The following PRKCZ variants were observed in gnomAD, a reference collection of about 807,000 sequenced individuals.
PRKCZ encodes the protein protein kinase C zeta type.
A neutral mutation model predicts 79.5 loss-of-function variants in PRKCZ; 33 were observed. The ratio of observed to expected loss-of-function variants is 0.41; its 90% CI spans 0.31 to 0.55. PRKCZ has a LOEUF of 0.55. PRKCZ is among the 20% of genes least tolerant of loss of function. The pLI is 0.19. For synonymous variants in PRKCZ, 342 were observed against 320.9 expected, an observed-to-expected ratio of 1.07 and a Z score of -0.70; for missense variants, 578 against 813.5, an observed-to-expected ratio of 0.71 and a Z score of 3.52.
At chr1:2,048,812 C>T (rs1659434546), upstream of PRKCZ, among the ~76,000 whole-genome samples, 1 of 152,128 alleles carries the variant, frequency 6.6e-6, no homozygotes, top group South Asian at 2.1e-4. Flanking sequence ...GGAGCTGGAA[C>T]CCGGGGCCAG....
At chr1:2,115,105 GTT>G (rs905720979) in intron 4 of PRKCZ, among the ~76,000 whole-genome samples, 13 of 152,260 alleles carry the variant, frequency 8.5e-5, no homozygotes, top group African/African-American at 3.1e-4. Context: ...CCTGCAGATA[GTT>G]TTGCTTGTTT....
chr1:2,148,754 T>C lies in PRKCZ; in HGVS notation c.635-118T>C, dbSNP rs980765392. 7 of 978,352 alleles carry C rather than the reference T, an allele frequency of 7.2e-6. No homozygotes were observed. In the African/African-American group the frequency reaches 1.1e-4, roughly 16 times the overall value. The allele number at this position is 978,352 out of a possible 1,614,324, so 60.6% of individuals were successfully genotyped here. A position where few individuals can be genotyped will look rare whatever the true frequency, so the allele number is the denominator to read the frequency against. On this transcript the variant is annotated intron_variant, in intron 7 of 17. Transcript: ENST00000378567. The stretch of plus-strand genomic sequence containing the variant: ...CTAAATTAGAATCAGACATGGCTGC[T>C]GTGTGGATTCACCCTTCACCGTCAC...
intron 4 of PRKCZ, among the ~76,000 whole-genome samples, chr1:2,061,906 G>A (rs1261456855): frequency 3.3e-5 from 5 of 152,206 alleles, no homozygotes; most frequent in Non-Finnish European, 4.4e-5. Context: ...GGGCTCTGTG[G>A]TTTTAGCGCC....
Position 2,149,816 on chromosome 1 carries a change from G to A in PRKCZ, c.687+892G>A, listed in dbSNP as rs893953272. Among the ~76,000 whole-genome samples the A allele has an allele frequency of 5.9e-5, 9 of 152,164 alleles. No homozygotes were observed. The highest frequency in any genetic ancestry group is 1.9e-4 in the East Asian group (1 of 5,172). ...GTGGAGGCTGCAGTGAGCTGAGATC[G>A]CACCACTGCACTCCAGCCTGGGCGA... On this transcript the variant is annotated intron_variant, in intron 8 of 17. Coordinates refer to ENST00000378567, the MANE Select transcript of PRKCZ (RefSeq NM_002744.6). The surrounding 1 kb of genome is among the most constrained non-coding windows in gnomAD (Gnocchi z 4.1).
chr1:2,093,040 G>A (rs1317635330), intron 4 of PRKCZ, among the ~76,000 whole-genome samples: 2 of 152,170 alleles, frequency 1.3e-5, no homozygotes, highest in Non-Finnish European at 2.9e-5. Flanking sequence ...ACACGAGGCC[G>A]CGGTGCCCAG....
rs376162867 is a variant in PRKCZ at position 2,061,456 on chromosome 1, T to C, written c.334+1865T>C. 3.3e-3 allele frequency among the ~76,000 whole-genome samples: 488 copies of C among 149,780 alleles called. 6 individuals are homozygous for C. The highest frequency in any genetic ancestry group is 0.011 in the African/African-American group (464 of 40,502). On this transcript the variant is annotated intron_variant, in intron 4 of 17. Transcript: ENST00000378567. ...CAGAGGCCTGAGCTCTGAAGGGGAGTGTGTCATGGGGGTGGCAGCCGAGTC... is the reference window on the plus strand; with the variant it reads ...CAGAGGCCTGAGCTCTGAAGGGGAGCGTGTCATGGGGGTGGCAGCCGAGTC...
chr1:2,164,154 A>G (rs1389780779), intron 10 of PRKCZ, among the ~76,000 whole-genome samples: 1 of 152,050 alleles, frequency 6.6e-6, no homozygotes, highest in African/African-American at 2.4e-5. Context: ...GTTGATATTC[A>G]TATTGTTTTA....
At chr1:2,141,776 G>T (rs142075292) in intron 5 of PRKCZ, 209 of 186,828 alleles carry the variant, frequency 1.1e-3, no homozygotes, top group African/African-American at 4.8e-3. Context: ...TATACCAAAA[G>T]AACTTGACTT....
intron 16 of PRKCZ, among the ~76,000 whole-genome samples, chr1:2,176,930 A>C (rs949040758): frequency 2.0e-5 from 3 of 152,232 alleles, no homozygotes; most frequent in Admixed American, 6.5e-5. Flanking sequence ...CGGTTGTCAG[A>C]TGCACACACT....
chr1:2,059,485 A>G, intron 3 of PRKCZ, 56 bp from the exon 4 acceptor site: 1 of 1,598,156 alleles, frequency 6.3e-7, no homozygotes, highest in Non-Finnish European at 8.6e-7. Flanking sequence ...CCTCCGTGAG[A>G]CTGTTGAGTG....
At chr1:2,071,060 G>T in intron 4 of PRKCZ, among the ~76,000 whole-genome samples, 1 of 151,402 alleles carries the variant, frequency 6.6e-6, no homozygotes, top group Non-Finnish European at 1.5e-5. Context: ...ACACCTGGGC[G>T]TGCGACCTGG....
chr1:2,162,288 C>T (rs1191704185), intron 10 of PRKCZ, among the ~76,000 whole-genome samples: 1 of 152,218 alleles, frequency 6.6e-6, no homozygotes, highest in Non-Finnish European at 1.5e-5. Flanking sequence ...CCTGCCACCA[C>T]ACCCAGCTAA....
intron 4 of PRKCZ, chr1:2,133,909 C>T (rs955852047): frequency 6.6e-6 from 1 of 152,250 alleles, no homozygotes; most frequent in Non-Finnish European, 1.5e-5. Flanking sequence ...GAGGGGTCAC[C>T]CGACCCCCTC....
At chr1:2,180,250 G>T (rs949492015) in intron 16 of PRKCZ, among the ~76,000 whole-genome samples, 9 of 151,552 alleles carry the variant, frequency 5.9e-5, no homozygotes, top group Non-Finnish European at 1.2e-4. Context: ...GCCTTGAGTG[G>T]GTGGATCCTC....
intron 4 of PRKCZ, among the ~76,000 whole-genome samples, chr1:2,117,263 A>G (rs1333908756): frequency 4.6e-5 from 7 of 152,082 alleles, no homozygotes; most frequent in Non-Finnish European, 2.9e-5. Flanking sequence ...AATTCTTTCA[A>G]TAATATTTTG....
chr1:2,050,741 AGGGAGGGCG>A, intron 1 of PRKCZ, 40 bp downstream of exon 1: 2 of 310,914 alleles, frequency 6.4e-6, no homozygotes, highest in Non-Finnish European at 1.0e-5. Context: ...CGGGTGAGGC[AGGGAGGGCG>A]GGGAGGGCTC....
intron 10 of PRKCZ, among the ~76,000 whole-genome samples, chr1:2,166,611 C>CA (rs1683373932): frequency 6.6e-6 from 1 of 152,064 alleles, no homozygotes; most frequent in Non-Finnish European, 1.5e-5. Flanking sequence ...GGGGCAGCCT[C>CA]AGCCCCCTCC....
At chr1:2,092,356 G>A (rs1376063293) in intron 4 of PRKCZ, among the ~76,000 whole-genome samples, 1 of 152,188 alleles carries the variant, frequency 6.6e-6, no homozygotes, top group East Asian at 1.9e-4. Flanking sequence ...GACGGAGTCC[G>A]ACGTTCCCGC....
rs977900784 is a variant in PRKCZ, at chr1:2,185,076, A to C, written c.*67A>C. 3.8e-5 allele frequency: 55 copies of C among 1,430,792 alleles called. No individual in the cohort carries two copies. Among genetic ancestry groups the C allele is most frequent in the Non-Finnish European group, 4.7e-5 (49 of 1,035,794 alleles). The allele number at this position is 1,430,792 out of a possible 1,614,324, so 88.6% of individuals were successfully genotyped here. ...TTAACTGTATCCTTAACCACCGCAT[A>C]TGCATGCCAGGCTGGGCACGGCTCC... On this transcript the variant is annotated 3_prime_UTR_variant, in exon 18 of 18. Transcript: ENST00000378567.
Sources: allele counts gnomAD v4.1 joint callset (sites outside exome capture counted in the v4.1 genomes callset), GRCh38; gene constraint gnomAD v4.1.1; non-coding constraint Gnocchi (gnomAD v3.1); transcripts MANE v1.5; gene names NCBI Gene and HGNC (gene_info 2026-07-23, HGNC 2026-07-21).